The following PTPRB variants were observed in gnomAD, a reference collection of about 807,000 sequenced individuals.
PTPRB encodes receptor-type tyrosine-protein phosphatase beta.
PTPRB carries 97 observed loss-of-function variants against 238.1 expected under a neutral mutation model. The observed-to-expected ratio is 0.41, with a 90% CI of 0.35 to 0.48. The LOEUF is 0.48. Among genes scored for constraint, PTPRB ranks in the 20% least tolerant of loss-of-function variants. PTPRB has a pLI of 0.30. For synonymous variants in PTPRB, 970 were observed against 995.4 expected (o/e 0.97, Z 0.48); for missense variants, 2,292 against 2,681.9 (o/e 0.85, Z 3.21).
intron 3 of PTPRB, 111 bp from the exon 4 acceptor site, chr12:70,609,450 T>G: frequency 7.2e-7 from 1 of 1,390,234 alleles, no homozygotes; most frequent in Non-Finnish European, 9.7e-7. Context: ...CCTTTGTCCC[T>G]TGCCTCAGCC....
chr12:70,555,667 T>C (rs966491896), intron 19 of PTPRB, among the ~76,000 whole-genome samples: 1 of 150,946 alleles, frequency 6.6e-6, no homozygotes, highest in Non-Finnish European at 1.5e-5. Flanking sequence ...ATCTAACTTG[T>C]TTGCTGTCAG....
intron 10 of PTPRB, among the ~76,000 whole-genome samples, 184 bp from the exon 11 acceptor site, chr12:70,576,829 G>A (rs1200568285): frequency 6.6e-6 from 1 of 152,076 alleles, no homozygotes; most frequent in Non-Finnish European, 1.5e-5. Context: ...CAGAAGCTGA[G>A]TGTTCTTACA....
intron 21 of PTPRB, 106 bp from the exon 22 acceptor site, chr12:70,544,769 G>C: frequency 1.6e-6 from 1 of 632,954 alleles, no homozygotes; most frequent in South Asian, 2.2e-5. Context: ...GTGGGTAGCA[G>C]GGTAGAATAT....
At chr12:70,608,060 A>C (rs1445083413) in intron 4 of PTPRB, among the ~76,000 whole-genome samples, 1 of 152,196 alleles carries the variant, frequency 6.6e-6, no homozygotes, top group African/African-American at 2.4e-5. Flanking sequence ...CTGCCTTTAG[A>C]GCTGAAAGTT....
At position 70,594,374 on chromosome 12, in the gene PTPRB, C is replaced by T. The variant is rs1488733225; in HGVS notation, c.1516+93G>A. ...ATACCTTATAAGAATTTCAATTTGT[C>T]CTATATTACAGTTATTCATATAATA... On this transcript the variant is annotated intron_variant, in intron 6 of 33. Transcript: ENST00000334414. 4.1e-6 allele frequency: 6 copies of T among 1,468,862 alleles called. No homozygotes were observed. The East Asian group carries it at 1.1e-4, about 28-fold the overall frequency. The allele number at this position is 1,468,862 out of a possible 1,614,324, so 91.0% of individuals were successfully genotyped here. A position where few individuals can be genotyped will look rare whatever the true frequency, so the allele number is the denominator to read the frequency against.
chr12:70,596,147 G>T lies in PTPRB; in HGVS notation c.1160C>A (p.Thr387Asn), dbSNP rs750202137. The change falls in exon 5 of 34, where the codon ACT (threonine) becomes AAT (asparagine). Residue 387 changes from threonine to asparagine, a missense_variant. This residue lies in a region of PTPRB where 1,205 missense variants were observed against 1,287.8 expected (regional missense o/e 0.94). Coordinates refer to ENST00000334414, the MANE Select transcript of PTPRB (RefSeq NM_001109754.4). ...IQESTSWNEY[T>N]FFNLTAGSKY... ...ACTACCAGCAGTGAGATTGAAAAAAGTGTATTCATTCCATGAAGTACTTTC... is the reference window on the plus strand; with the variant it reads ...ACTACCAGCAGTGAGATTGAAAAAATTGTATTCATTCCATGAAGTACTTTC... 1.4e-5 allele frequency: 23 copies of T among 1,613,462 alleles called. No individual in the cohort carries two copies. The highest frequency in any genetic ancestry group is 1.6e-4 in the Middle Eastern group (1 of 6,082).
At chr12:70,538,055 T>C (rs1212915085) in intron 28 of PTPRB, 100 bp downstream of exon 28, 3 of 1,006,748 alleles carry the variant, frequency 3.0e-6, no homozygotes, top group Non-Finnish European at 4.4e-6. Flanking sequence ...TACAGGTGTT[T>C]CCAGACCTAA....
intron 18 of PTPRB, among the ~76,000 whole-genome samples, chr12:70,558,603 A>C (rs1029545511): frequency 2.0e-5 from 3 of 152,190 alleles, no homozygotes; most frequent in African/African-American, 7.2e-5. Flanking sequence ...TCGTCGTCGA[A>C]GTATTTTTAT....
intron 17 of PTPRB, 24 bp from the exon 18 acceptor site, chr12:70,559,648 A>G (rs781082130): frequency 6.4e-7 from 1 of 1,560,140 alleles, no homozygotes; most frequent in Non-Finnish European, 8.8e-7. Context: ...AAAGTGAAAA[A>G]TCACATAATC....
Position 70,552,707 on chromosome 12 carries a change from T to C in PTPRB, c.5387+70A>G, listed in dbSNP as rs1877075953. On this transcript the variant is annotated intron_variant, in intron 21 of 33. Coordinates refer to ENST00000334414, the MANE Select transcript of PTPRB (RefSeq NM_001109754.4). Reference sequence around the variant, plus strand: ...ATCTATGGAAGCTCGCATGCATCAGTTGCTCAGACAGCTGAGTGCTTAGTA... The same window carrying C: ...ATCTATGGAAGCTCGCATGCATCAGCTGCTCAGACAGCTGAGTGCTTAGTA... 2.6e-6 allele frequency: 4 copies of C among 1,561,876 alleles called. No individual in the cohort carries two copies. The East Asian group carries it at 9.0e-5, about 35-fold the overall frequency.
chr12:70,569,898 T>A lies in PTPRB; in HGVS notation c.3411A>T (p.Gly1137=). The A allele has an allele frequency of 6.2e-7, 1 of 1,612,526 alleles. No homozygotes were observed. The highest frequency in any genetic ancestry group is 8.5e-7 in the Non-Finnish European group (1 of 1,178,568). The change falls in exon 14 of 34, where the codon GGA becomes GGT. Residue 1137 remains glycine (G), a synonymous_variant. Coordinates refer to ENST00000334414, the MANE Select transcript of PTPRB (RefSeq NM_001109754.4). ...AGTTCACCGTCAGGCTATCTGTTGCTCCATTGGGAGAAATGTGAATATTTT... is the reference window on the plus strand; with the variant it reads ...AGTTCACCGTCAGGCTATCTGTTGCACCATTGGGAGAAATGTGAATATTTT... ...AVKNIHISPN[G]ATDSLTVNWT...
intron 3 of PTPRB, among the ~76,000 whole-genome samples, chr12:70,614,897 C>A (rs1264970913): frequency 6.6e-6 from 1 of 152,120 alleles, no homozygotes; most frequent in Non-Finnish European, 1.5e-5. Context: ...AAGCCAAAAA[C>A]CATGACCAGC....
At chr12:70,548,409 GA>G (rs1876404283) in intron 21 of PTPRB, among the ~76,000 whole-genome samples, 1 of 149,366 alleles carries the variant, frequency 6.7e-6, no homozygotes, top group Non-Finnish European at 1.5e-5. Context: ...TAGGAAGGAT[GA>G]AAAAAGCCTG....
chr12:70,522,462 AT>A (rs1411582093), intron 33 of PTPRB: 1 of 152,230 alleles, frequency 6.6e-6, no homozygotes, highest in African/African-American at 2.4e-5. Context: ...AAACTGCTAA[AT>A]GTTGGGGTAA....
rs1234940630 is a variant in PTPRB, at chr12:70,635,896, G to A, written c.226C>T (p.Arg76Cys). 1.1e-5 allele frequency: 18 copies of A among 1,613,742 alleles called. No individual in the cohort carries two copies. The highest frequency in any genetic ancestry group is 1.4e-5 in the Non-Finnish European group (17 of 1,179,826). ...AAGATGGCTGAGCGGGAGGGGCCGC[G>A]GGAAGAGTTGGAGATGGCCAAGCAC... Reference protein sequence around the residue: ...ALCLAISNSSRGPSRSAILDR... With the variant: ...ALCLAISNSSCGPSRSAILDR... Residue 76 changes from arginine (R) to cysteine (C), a missense_variant, in exon 2 of 34, where the codon CGC (arginine) becomes TGC (cysteine). Transcript: ENST00000334414.
intron 12 of PTPRB, 166 bp from the exon 13 acceptor site, chr12:70,571,455 T>A: frequency 1.4e-6 from 1 of 713,400 alleles, no homozygotes; most frequent in Non-Finnish European, 2.2e-6. Flanking sequence ...AAGCAACTAT[T>A]AACATTGTGG....
intron 3 of PTPRB, 62 bp downstream of exon 3, chr12:70,622,328 T>C: frequency 6.3e-7 from 1 of 1,576,004 alleles, no homozygotes. Flanking sequence ...AAGCAAGTCT[T>C]TTCAAGCAAT....
chr12:70,608,972 T>C, intron 4 of PTPRB, 97 bp downstream of exon 4: 2 of 1,445,260 alleles, frequency 1.4e-6, no homozygotes, highest in Non-Finnish European at 9.4e-7. Context: ...TTACCTTCAT[T>C]TTTTGTATCC....
intron 32 of PTPRB, among the ~76,000 whole-genome samples, chr12:70,528,634 T>TATC (rs1345967010): frequency 4.6e-5 from 7 of 152,240 alleles, no homozygotes; most frequent in East Asian, 1.9e-4. Flanking sequence ...AGTGAGATCT[T>TATC]ATCTCCCCAC....
Sources: allele counts gnomAD v4.1 joint callset (sites outside exome capture counted in the v4.1 genomes callset), GRCh38; gene constraint gnomAD v4.1.1; regional missense constraint gnomAD v4.1.1; transcripts MANE v1.5; gene names NCBI Gene and HGNC (gene_info 2026-07-23, HGNC 2026-07-21).